Variants in ULK4 observed in about 807,000 individuals in gnomAD.
The protein encoded by ULK4 is unc-51 like kinase 4, also known as inactive serine/threonine-protein kinase ULK4.
Under a neutral mutation model 160.6 loss-of-function variants are expected in ULK4, and 133 were observed. That is an observed-to-expected ratio of 0.83 (90% CI 0.72 to 0.96). ULK4 has a LOEUF of 0.96. Ranked by LOEUF, ULK4 falls within the 40% of genes least tolerant of loss-of-function variation. The pLI is 0.00. For synonymous variants in ULK4, 534 were observed against 539.8 expected (o/e 0.99, Z 0.15); for missense variants, 1,580 against 1,499.5 (o/e 1.05, Z -0.89).
intron 32 of ULK4, among the ~76,000 whole-genome samples, chr3:41,523,035 A>G (rs990677802): frequency 2.0e-5 from 3 of 152,044 alleles, no homozygotes; most frequent in African/African-American, 7.3e-5. Context: ...CAGCCTCTTG[A>G]GTAGCTGAGA....
intron 22 of ULK4, among the ~76,000 whole-genome samples, chr3:41,751,529 G>A (rs953927061): frequency 6.6e-6 from 1 of 152,148 alleles, no homozygotes; most frequent in Non-Finnish European, 1.5e-5. Flanking sequence ...TCCAGAGACT[G>A]AGAAGAGTGG....
chr3:41,827,863 C>A (rs895548887), intron 18 of ULK4, among the ~76,000 whole-genome samples: 1 of 151,944 alleles, frequency 6.6e-6, no homozygotes, highest in Non-Finnish European at 1.5e-5. Flanking sequence ...GAATTTTAGA[C>A]CAATATCCCC....
chr3:41,683,892 G>C (rs1575566566), intron 27 of ULK4, among the ~76,000 whole-genome samples: 1 of 152,106 alleles, frequency 6.6e-6, no homozygotes, highest in Non-Finnish European at 1.5e-5. Flanking sequence ...TTTGTCGTCT[G>C]TCTATTCAAG....
intron 21 of ULK4, among the ~76,000 whole-genome samples, chr3:41,779,873 A>G (rs2039761692): frequency 1.1e-5 from 1 of 91,608 alleles, no homozygotes; most frequent in Non-Finnish European, 2.2e-5. Flanking sequence ...ATTGGGAGAT[A>G]TACCTAATGC....
At chr3:41,412,961 C>T (rs1391152307) in intron 34 of ULK4, among the ~76,000 whole-genome samples, 2 of 152,142 alleles carry the variant, frequency 1.3e-5, no homozygotes, top group Non-Finnish European at 2.9e-5. Context: ...GGATAAAAGG[C>T]CTTGTAGTAG....
At chr3:41,581,440 T>G (rs1220409842) in intron 31 of ULK4, among the ~76,000 whole-genome samples, 3 of 152,122 alleles carry the variant, frequency 2.0e-5, no homozygotes, top group Non-Finnish European at 4.4e-5. Context: ...TATATACACA[T>G]AGATCTCCAA....
At chr3:41,560,124 A>G (rs2087507928) in intron 32 of ULK4, among the ~76,000 whole-genome samples, 1 of 152,172 alleles carries the variant, frequency 6.6e-6, no homozygotes, top group South Asian at 2.1e-4. Flanking sequence ...TAAATAGGAA[A>G]TCCTTTCCCC....
intron 32 of ULK4, among the ~76,000 whole-genome samples, chr3:41,555,719 C>T (rs1421084171): frequency 6.6e-6 from 1 of 152,144 alleles, no homozygotes; most frequent in Admixed American, 6.5e-5. Flanking sequence ...CACATGCACA[C>T]TATGTTTACT....
intron 27 of ULK4, among the ~76,000 whole-genome samples, chr3:41,685,019 C>T (rs150295735): frequency 2.6e-5 from 4 of 152,296 alleles, no homozygotes; most frequent in East Asian, 1.9e-4. Context: ...GTAGCTAAGG[C>T]TTTGCCTTTT....
At chr3:41,452,795 T>A (rs2083451406) in intron 34 of ULK4, among the ~76,000 whole-genome samples, 1 of 152,116 alleles carries the variant, frequency 6.6e-6, no homozygotes, top group African/African-American at 2.4e-5. Context: ...TGGAAATGAC[T>A]CCATGTTCGA....
intron 35 of ULK4, among the ~76,000 whole-genome samples, chr3:41,328,209 A>G (rs1397947017): frequency 1.3e-5 from 2 of 152,214 alleles, no homozygotes; most frequent in Non-Finnish European, 2.9e-5. Flanking sequence ...CAGCATGTGC[A>G]AAAAGACAAT....
chr3:41,512,045 T>C (rs1461431615), intron 32 of ULK4, among the ~76,000 whole-genome samples: 1 of 152,056 alleles, frequency 6.6e-6, no homozygotes, highest in East Asian at 1.9e-4. Context: ...ATCATCTCAA[T>C]AGATGCAGAA....
chr3:41,802,747 A>G (rs2040500637), intron 19 of ULK4, among the ~76,000 whole-genome samples: 1 of 152,206 alleles, frequency 6.6e-6, no homozygotes, highest in African/African-American at 2.4e-5. Context: ...GCATATCACT[A>G]TATACATCAT....
chr3:41,542,774 T>C (rs2086738078), intron 32 of ULK4, among the ~76,000 whole-genome samples: 1 of 152,186 alleles, frequency 6.6e-6, no homozygotes, highest in Non-Finnish European at 1.5e-5. Flanking sequence ...CTGGAATTTA[T>C]CCATTACTTC....
chr3:41,325,415 T>C (rs2080322231), intron 35 of ULK4, among the ~76,000 whole-genome samples: 1 of 152,192 alleles, frequency 6.6e-6, no homozygotes, highest in South Asian at 2.1e-4. Context: ...TTGAACTCCA[T>C]TTATCAAAAG....
At chr3:41,344,073 AACTAC>A (rs1202714687) in intron 35 of ULK4, among the ~76,000 whole-genome samples, 1 of 152,218 alleles carries the variant, frequency 6.6e-6, no homozygotes, top group African/African-American at 2.4e-5. Flanking sequence ...CCTGACTTCA[AACTAC>A]ACTACAAGGC....
intron 4 of ULK4, among the ~76,000 whole-genome samples, chr3:41,935,585 T>C (rs1258185547): frequency 2.0e-5 from 3 of 151,888 alleles, no homozygotes; most frequent in African/African-American, 7.3e-5. Flanking sequence ...GGTCTCGAAC[T>C]CCTGACCTCA....
chr3:41,549,249 A>G (rs937603590), intron 32 of ULK4, among the ~76,000 whole-genome samples: 2 of 151,578 alleles, frequency 1.3e-5, no homozygotes, highest in African/African-American at 2.4e-5. Context: ...TAATGATATT[A>G]AAGAGGCTCA....
At chr3:41,279,262 A>ACAAAC (rs373989985) in intron 35 of ULK4, among the ~76,000 whole-genome samples, 1 of 141,820 alleles carries the variant, frequency 7.1e-6, no homozygotes, top group African/African-American at 2.8e-5. Context: ...GAGTAAAAAA[A>ACAAAC]AAAAAAAAAA....
Sources: allele counts gnomAD v4.1 joint callset (sites outside exome capture counted in the v4.1 genomes callset), GRCh38; gene constraint gnomAD v4.1.1; transcripts MANE v1.5; gene names NCBI Gene and HGNC (gene_info 2026-07-23, HGNC 2026-07-21).